Variants in KIF26B observed in about 807,000 individuals in gnomAD.
KIF26B encodes kinesin family member 26B, also known as kinesin-like protein KIF26B.
Under a neutral mutation model 151.2 loss-of-function variants are expected in KIF26B, and 63 were observed. The observed-to-expected ratio is 0.42, with a 90% CI of 0.34 to 0.51. KIF26B has a LOEUF of 0.51. Ranked by LOEUF, KIF26B falls within the 20% of genes least tolerant of loss-of-function variation. The probability of loss-of-function intolerance (pLI) is 0.07; values close to 1 mark genes in which losing one functional copy is unlikely to be tolerated. For synonymous variants in KIF26B, 1,357 were observed against 1,262.1 expected, an observed-to-expected ratio of 1.08 and a Z score of -1.59; for missense variants, 2,813 against 2,913.6, an observed-to-expected ratio of 0.97 and a Z score of 0.79.
chr1:245,316,216 G>C (rs964395946), intron 2 of KIF26B, among the ~76,000 whole-genome samples: 1 of 151,842 alleles, frequency 6.6e-6, no homozygotes, highest in African/African-American at 2.4e-5. Flanking sequence ...CCGCCTCCCA[G>C]GTTCAAGCGA....
intron 2 of KIF26B, among the ~76,000 whole-genome samples, chr1:245,233,469 T>C (rs1036977221): frequency 6.6e-6 from 1 of 152,178 alleles, no homozygotes; most frequent in African/African-American, 2.4e-5. Flanking sequence ...TGGGTACTTG[T>C]TAGAAAATGC....
chr1:245,211,017 C>T (rs1054660066), intron 2 of KIF26B, among the ~76,000 whole-genome samples: 5 of 152,256 alleles, frequency 3.3e-5, no homozygotes, highest in South Asian at 2.1e-4. Flanking sequence ...AGGAGTATGG[C>T]GGTTTTTAAG....
At chr1:245,366,169 G>A (rs1258305407) in intron 2 of KIF26B, among the ~76,000 whole-genome samples, 1 of 152,162 alleles carries the variant, frequency 6.6e-6, no homozygotes, top group East Asian at 1.9e-4. Context: ...CTGGACAAAT[G>A]TTTGTTCCTT....
At chr1:245,440,214 C>T (rs910315282) in intron 4 of KIF26B, among the ~76,000 whole-genome samples, 27 of 150,560 alleles carry the variant, frequency 1.8e-4, no homozygotes, top group Admixed American at 3.3e-4. Context: ...GAGCCAGACT[C>T]TGCCTAAAAA....
At chr1:245,256,427 T>C (rs935599505) in intron 2 of KIF26B, among the ~76,000 whole-genome samples, 2 of 152,156 alleles carry the variant, frequency 1.3e-5, no homozygotes, top group Non-Finnish European at 2.9e-5. Flanking sequence ...AGCCCCATCG[T>C]CCGGATGAGG....
chr1:245,175,976 C>CTA (rs1573689305), intron 2 of KIF26B, among the ~76,000 whole-genome samples: 1 of 143,612 alleles, frequency 7.0e-6, no homozygotes, highest in East Asian at 2.0e-4. Context: ...ATATAGACAT[C>CTA]TATATATATA....
intron 2 of KIF26B, among the ~76,000 whole-genome samples, chr1:245,262,849 C>G (rs1379783911): frequency 1.3e-5 from 2 of 152,232 alleles, no homozygotes; most frequent in Non-Finnish European, 2.9e-5. Context: ...TTTCACAGAG[C>G]AGGCTGCTCT....
At chr1:245,408,349 C>CTTTT (rs58724712) in intron 3 of KIF26B, among the ~76,000 whole-genome samples, 63 of 113,330 alleles carry the variant, frequency 5.6e-4, no homozygotes, top group Non-Finnish European at 9.6e-4. Flanking sequence ...TTAAATGATT[C>CTTTT]TTTTTTTTTT....
chr1:245,276,128 G>A (rs1232377660), intron 2 of KIF26B, among the ~76,000 whole-genome samples: 2 of 152,120 alleles, frequency 1.3e-5, no homozygotes, highest in African/African-American at 4.8e-5. Context: ...GATCACCTGA[G>A]GTCAGGAGTT....
chr1:245,680,032 T>A lies in KIF26B; in HGVS notation c.2259-4201T>A, dbSNP rs187893422. Among the ~76,000 whole-genome samples, 29 of 152,278 alleles carry A rather than the reference T, an allele frequency of 1.9e-4. 2 individuals carry two copies. Among genetic ancestry groups the A allele is most frequent in the Admixed American group, 1.9e-3 (29 of 15,304 alleles). On this transcript the variant is annotated intron_variant, in intron 10 of 14. Coordinates refer to ENST00000407071, the MANE Select transcript of KIF26B (RefSeq NM_018012.4). ...GCCAGCGGCCCTGCACGCTTCTTCC[T>A]CTTTTCTCTTCCTCTCTCTTCAGAC...
intron 2 of KIF26B, among the ~76,000 whole-genome samples, chr1:245,323,565 G>A (rs1671926853): frequency 6.6e-6 from 1 of 152,200 alleles, no homozygotes; most frequent in African/African-American, 2.4e-5. Flanking sequence ...CTGAGCCACA[G>A]ATTTGTATGG....
intron 4 of KIF26B, among the ~76,000 whole-genome samples, chr1:245,451,758 A>C (rs1022362612): frequency 3.3e-5 from 5 of 151,420 alleles, no homozygotes; most frequent in African/African-American, 1.2e-4. Context: ...CGCCATCATG[A>C]CCAGCTAATT....
intron 9 of KIF26B, among the ~76,000 whole-genome samples, chr1:245,617,315 C>G (rs2043601059): frequency 6.6e-6 from 1 of 152,196 alleles, no homozygotes; most frequent in Non-Finnish European, 1.5e-5. Flanking sequence ...CCACGCTGGT[C>G]TCGAACTCCT....
intron 4 of KIF26B, among the ~76,000 whole-genome samples, chr1:245,490,175 A>G (rs1173053165): frequency 6.6e-6 from 1 of 152,140 alleles, no homozygotes; most frequent in East Asian, 1.9e-4. Context: ...GTGATTTGTG[A>G]TGTCTGAGAT....
At position 245,686,728 on chromosome 1, in the gene KIF26B, T is replaced by C. The variant is rs2044528460; in HGVS notation, c.3745T>C (p.Ser1249Pro). 1 of 1,613,408 alleles carries C rather than the reference T, an allele frequency of 6.2e-7. No homozygotes were observed. Among genetic ancestry groups the C allele is most frequent in the Admixed American group, 1.7e-5 (1 of 59,976 alleles). Residue 1249 changes from serine to proline, a missense_variant, in exon 12 of 15, where the codon TCC becomes CCC. This residue lies in a region of KIF26B where 2,060 missense variants were observed against 2,088.6 expected (regional missense o/e 0.99). Coordinates refer to ENST00000407071, the MANE Select transcript of KIF26B (RefSeq NM_018012.4). The surrounding 1 kb of genome is among the most constrained non-coding windows in gnomAD (Gnocchi z 5.6). ...LECYSSTAPV[S>P]EVSITQFLPL... ...GTGCTACTCCAGCACGGCCCCCGTC[T>C]CCGAGGTCAGCATCACACAGTTCTT...
At position 245,292,335 on chromosome 1, in the gene KIF26B, G is replaced by A. The variant is rs568037168; in HGVS notation, c.466-74499G>A. ...GGTGCACTGGGGAAGAGAGGGAACC[G>A]TCACTGCCAGCTGCCCGGTGGTGCA... On this transcript the variant is annotated intron_variant, in intron 2 of 14. Coordinates refer to ENST00000407071, the MANE Select transcript of KIF26B (RefSeq NM_018012.4). Among the ~76,000 whole-genome samples, 34 of 152,270 alleles carry A rather than the reference G, an allele frequency of 2.2e-4. No homozygotes were observed. The East Asian group carries it at 4.4e-3, about 20-fold the overall frequency.
At chr1:245,559,692 G>A (rs1163080990) in intron 5 of KIF26B, among the ~76,000 whole-genome samples, 4 of 152,234 alleles carry the variant, frequency 2.6e-5, no homozygotes, top group Admixed American at 2.0e-4. Context: ...GACTACAGGC[G>A]TGAGCCACCG....
chr1:245,630,518 C>T (rs564284172), intron 9 of KIF26B, among the ~76,000 whole-genome samples: 54 of 152,048 alleles, frequency 3.6e-4, no homozygotes, highest in African/African-American at 1.3e-3. Context: ...CACTCATAAG[C>T]GGGAGTTGAA....
intron 6 of KIF26B, among the ~76,000 whole-genome samples, chr1:245,605,771 G>A (rs2043445645): frequency 6.6e-6 from 1 of 152,040 alleles, no homozygotes; most frequent in Non-Finnish European, 1.5e-5. Flanking sequence ...ACAGCCCGCT[G>A]ACCACGCTCT....
Sources: allele counts gnomAD v4.1 joint callset (sites outside exome capture counted in the v4.1 genomes callset), GRCh38; gene constraint gnomAD v4.1.1; regional missense constraint gnomAD v4.1.1; non-coding constraint Gnocchi (gnomAD v3.1); transcripts MANE v1.5; gene names NCBI Gene and HGNC (gene_info 2026-07-23, HGNC 2026-07-21).